The following DAAM1 variants were observed in gnomAD, a reference collection of about 807,000 sequenced individuals.
DAAM1 encodes the protein dishevelled associated activator of morphogenesis 1.
In DAAM1, 52 loss-of-function variants were observed where a neutral mutation model predicts 130.0. The ratio of observed to expected loss-of-function variants is 0.40; its 90% CI spans 0.32 to 0.50. The LOEUF (loss-of-function observed/expected upper bound fraction) is 0.50. DAAM1 is among the 20% of genes least tolerant of loss of function. The pLI is 0.61. For synonymous variants in DAAM1, 452 were observed against 444.5 expected (o/e 1.02, Z -0.21); for missense variants, 1,134 against 1,303.8 (o/e 0.87, Z 2.01).
intron 1 of DAAM1, among the ~76,000 whole-genome samples, chr14:59,232,500 G>A (rs1238638212): frequency 6.6e-6 from 1 of 152,086 alleles, no homozygotes; most frequent in East Asian, 1.9e-4. Flanking sequence ...TCACCAACAT[G>A]TTGAAATTCT....
intron 19 of DAAM1, 135 bp from the exon 20 acceptor site, chr14:59,355,030 T>C: frequency 8.2e-7 from 1 of 1,216,522 alleles, no homozygotes; most frequent in Non-Finnish European, 1.1e-6. Flanking sequence ...GTGCTCTTGG[T>C]AACCCAATAA....
chr14:59,331,069 G>T, intron 13 of DAAM1, 140 bp from the exon 14 acceptor site: 3 of 1,415,182 alleles, frequency 2.1e-6, no homozygotes, highest in Non-Finnish European at 9.4e-7. Context: ...GAGTCCATTC[G>T]ACTTTACCGA....
chr14:59,320,197 T>C (rs149489757), intron 4 of DAAM1, among the ~76,000 whole-genome samples: 206 of 152,328 alleles, frequency 1.4e-3, no homozygotes, highest in African/African-American at 4.8e-3. Flanking sequence ...ATTGCCAGAA[T>C]GTTGTATTCA....
chr14:59,338,293 C>A, intron 15 of DAAM1: 1 of 1,295,694 alleles, frequency 7.7e-7, no homozygotes. Flanking sequence ...CACTTGTTTC[C>A]TTGACTGCTT....
intron 1 of DAAM1, among the ~76,000 whole-genome samples, chr14:59,197,111 G>A (rs1046499057): frequency 6.6e-6 from 1 of 152,116 alleles, no homozygotes; most frequent in African/African-American, 2.4e-5. Context: ...TAGTAGAGAC[G>A]GGGTTTCACC....
intron 15 of DAAM1, chr14:59,338,505 G>A: frequency 6.9e-7 from 1 of 1,454,922 alleles, no homozygotes; most frequent in South Asian, 1.2e-5. Flanking sequence ...TTTTGTTTTT[G>A]TTTTTGTTTT....
At chr14:59,291,107 T>G in intron 2 of DAAM1, 110 bp from the exon 3 acceptor site, 3 of 852,736 alleles carry the variant, frequency 3.5e-6, no homozygotes, top group Non-Finnish European at 5.3e-6. Flanking sequence ...CAAGTTCATT[T>G]AAATATGTGT....
At chr14:59,261,621 C>T (rs563551938) in intron 1 of DAAM1, among the ~76,000 whole-genome samples, 23 of 152,166 alleles carry the variant, frequency 1.5e-4, no homozygotes, top group Non-Finnish European at 2.5e-4. Context: ...ACAGAACCTC[C>T]CAGTTCCTGA....
chr14:59,318,821 T>C (rs1030580179), intron 4 of DAAM1, among the ~76,000 whole-genome samples: 13 of 152,146 alleles, frequency 8.5e-5, no homozygotes, highest in African/African-American at 3.1e-4. Flanking sequence ...ATCTCCCAAC[T>C]CTAGTATGGA....
At chr14:59,202,518 C>A (rs894143063) in intron 1 of DAAM1, among the ~76,000 whole-genome samples, 4 of 144,790 alleles carry the variant, frequency 2.8e-5, no homozygotes, top group African/African-American at 9.7e-5. Flanking sequence ...TGTTCATTTG[C>A]CATTTAAAAA....
Position 59,327,001 on chromosome 14 carries a change from G to A in DAAM1, c.1372+10G>A. 6.2e-7 allele frequency: 1 copy of A among 1,613,858 alleles called. No individual in the cohort carries two copies. Among genetic ancestry groups the A allele is most frequent in the Non-Finnish European group, 8.5e-7 (1 of 1,179,856 alleles). On this transcript the variant is annotated intron_variant, in intron 12 of 24. Transcript: ENST00000360909. ...GAAAAAATGAGAAAAGGTAAATAATGAGGCCCTGATAAGAGGCTGTGTTAT... is the reference window on the plus strand; with the variant it reads ...GAAAAAATGAGAAAAGGTAAATAATAAGGCCCTGATAAGAGGCTGTGTTAT...
At chr14:59,265,881 T>A (rs1324916771) in intron 2 of DAAM1, 2 of 152,268 alleles carry the variant, frequency 1.3e-5, no homozygotes, top group African/African-American at 2.4e-5. Context: ...CAGGTGTCAC[T>A]TGTGCCCACA....
intron 2 of DAAM1, among the ~76,000 whole-genome samples, chr14:59,278,223 G>A (rs535233854): frequency 3.0e-4 from 46 of 152,210 alleles, no homozygotes; most frequent in African/African-American, 1.1e-3. Context: ...TAGGCATCAC[G>A]AGGTAGTGTT....
chr14:59,280,365 G>T (rs1408024975), intron 2 of DAAM1, among the ~76,000 whole-genome samples: 2 of 152,060 alleles, frequency 1.3e-5, no homozygotes, highest in Non-Finnish European at 2.9e-5. Context: ...AGCACAGGAG[G>T]TCAAGGTTAC....
At chr14:59,356,870 T>G (rs1268271292) in intron 20 of DAAM1, among the ~76,000 whole-genome samples, 1 of 152,260 alleles carries the variant, frequency 6.6e-6, no homozygotes, top group Admixed American at 6.5e-5. Flanking sequence ...TTTCCTCTTT[T>G]TTTTCTGCCT....
chr14:59,221,228 A>G (rs1252985), intron 1 of DAAM1, among the ~76,000 whole-genome samples: 29,212 of 152,222 alleles, frequency 0.19, 3,330 homozygotes, highest in African/African-American at 0.3. Context: ...CTTAAATAGT[A>G]TAGAAAATTA....
At chr14:59,264,058 GA>G (rs1370814141) in intron 2 of DAAM1, 1 of 278,898 alleles carries the variant, frequency 3.6e-6, no homozygotes, top group East Asian at 8.7e-5. Flanking sequence ...CCCCCACACC[GA>G]ATGTACAGTA....
intron 3 of DAAM1, among the ~76,000 whole-genome samples, chr14:59,293,792 A>T (rs1006575564): frequency 1.3e-5 from 2 of 152,220 alleles, no homozygotes; most frequent in Non-Finnish European, 1.5e-5. Context: ...GAAATACACA[A>T]TGAATATGAG....
chr14:59,243,876 G>A (rs1160242075), intron 1 of DAAM1, among the ~76,000 whole-genome samples: 2 of 152,196 alleles, frequency 1.3e-5, no homozygotes, highest in Non-Finnish European at 2.9e-5. Context: ...CCAAACATTA[G>A]CATCCCAGGG....
Sources: gnomAD v4.1 joint callset for allele counts (sites outside exome capture counted in the v4.1 genomes callset) on GRCh38, gnomAD v4.1.1 for gene constraint, MANE v1.5 for transcripts, NCBI Gene and HGNC (gene_info 2026-07-23, HGNC 2026-07-21) for gene names.